The following DNAH2 variants were observed in gnomAD, a reference collection of about 807,000 sequenced individuals.
DNAH2 encodes the protein dynein axonemal heavy chain 2.
Under a neutral mutation model 523.5 loss-of-function variants are expected in DNAH2, and 323 were observed. The observed-to-expected ratio is 0.62, with a 90% CI of 0.56 to 0.68. The LOEUF is 0.68. Ranked by LOEUF, DNAH2 falls within the 30% of genes least tolerant of loss-of-function variation. The pLI is 0.00. For missense variants in DNAH2, 4,907 were observed against 5,701.5 expected (o/e 0.86, Z 4.49); for synonymous variants, 2,093 against 2,177.4 (o/e 0.96, Z 1.08).
chr17:7,777,927 A>G (rs955412531), intron 33 of DNAH2, 150 bp from the exon 34 acceptor site: 4 of 774,528 alleles, frequency 5.2e-6, no homozygotes, highest in Non-Finnish European at 8.3e-6. Flanking sequence ...TCTTGCCCAT[A>G]AACCGCTCCC....
chr17:7,739,545 G>T (rs1031599364), intron 8 of DNAH2, among the ~76,000 whole-genome samples, 188 bp from the exon 9 acceptor site: 5 of 151,698 alleles, frequency 3.3e-5, no homozygotes, highest in Admixed American at 2.0e-4. Flanking sequence ...TGTGGCCAAA[G>T]TTCATCCCAG....
At chr17:7,778,757 C>CG (rs2076526619) in intron 35 of DNAH2, among the ~76,000 whole-genome samples, 3 of 151,874 alleles carry the variant, frequency 2.0e-5, no homozygotes, top group Middle Eastern at 3.4e-3. Flanking sequence ...TTAGTGGAGA[C>CG]GGGGTTTCAC....
chr17:7,744,996 CTTTT>C (rs1048980024), intron 12 of DNAH2, among the ~76,000 whole-genome samples: 1 of 145,626 alleles, frequency 6.9e-6, no homozygotes, highest in African/African-American at 2.5e-5. Flanking sequence ...CTTTACATTT[CTTTT>C]TTTTTTTTTC....
At position 7,777,484 on chromosome 17, in the gene DNAH2, G is replaced by C; in HGVS notation, c.5097G>C (p.Gly1699=). Residue 1699 remains glycine, a synonymous_variant, in exon 33 of 86, where the codon GGG becomes GGC. Transcript: ENST00000572933. ...ILNKYSEAIR[G]NLTKIMRLKI... ...ATAAGTATTCAGAAGCCATCAGGGG[G>C]AACTTGACCAAGATCATGCGGCTTA... 6.2e-7 allele frequency: 1 copy of C among 1,614,184 alleles called. No homozygotes were observed. Among genetic ancestry groups the C allele is most frequent in the Non-Finnish European group, 8.5e-7 (1 of 1,180,034 alleles).
intron 63 of DNAH2, among the ~76,000 whole-genome samples, chr17:7,811,597 G>T (rs1008317143): frequency 6.6e-6 from 1 of 152,202 alleles, no homozygotes; most frequent in Non-Finnish European, 1.5e-5. Flanking sequence ...TACATTCAAT[G>T]TCTGGTAGGG....
At position 7,792,688 on chromosome 17, in the gene DNAH2, G is replaced by A. The variant is rs1041181059; in HGVS notation, c.7177G>A (p.Val2393Ile). 1.2e-5 allele frequency: 19 copies of A among 1,614,016 alleles called. No homozygotes were observed. Among genetic ancestry groups the A allele is most frequent in the Non-Finnish European group, 1.4e-5 (17 of 1,180,000 alleles). ...APFYKIMVPTVDTVRYNYLVS... is the reference protein window; with the variant it reads ...APFYKIMVPTIDTVRYNYLVS... ...CTTCTATAAGATCATGGTGCCCACCGTCGACACTGTTCGCTACAACTACCT... is the reference window on the plus strand; with the variant it reads ...CTTCTATAAGATCATGGTGCCCACCATCGACACTGTTCGCTACAACTACCT... Residue 2393 changes from valine (V) to isoleucine (I), a missense_variant, in exon 47 of 86, where the codon GTC becomes ATC. Val to Ile is a conservative substitution (Grantham distance 29). Coordinates refer to ENST00000572933, the MANE Select transcript of DNAH2 (RefSeq NM_020877.5).
rs780491886 is a variant in DNAH2, at chr17:7,830,743, A to T, written c.12131A>T (p.Asn4044Ile). 1 of 1,614,210 alleles carries T rather than the reference A, an allele frequency of 6.2e-7. No individual in the cohort carries two copies. Among genetic ancestry groups the T allele is most frequent in the South Asian group, 1.1e-5 (1 of 91,090 alleles). Reference protein sequence around the residue: ...DALKYLIAGINYGGHVTDDWD... With the variant: ...DALKYLIAGIIYGGHVTDDWD... ...CTTAAGTACCTCATTGCCGGCATCA[A>T]CTATGGTGGACATGTCACAGATGAC... is the stretch of plus-strand genomic sequence containing the variant. Residue 4044 changes from asparagine to isoleucine, a missense_variant, in exon 79 of 86, where the codon AAC becomes ATC. Physicochemically the swap from Asn to Ile is moderately radical, Grantham distance 149. Around this residue, in one of 3 missense-constraint regions of DNAH2, gnomAD observed 1,851 missense variants for 2,139.4 expected, o/e 0.87. Transcript: ENST00000572933.
rs895080979 is a variant in DNAH2 at position 7,760,676 on chromosome 17, G to A, written c.2786-64G>A. ...GTGGAAGGTCTGGAGCAGTGGGCAG[G>A]GCTCAGGCAGAAGTTGGGTTGGGGT... On this transcript the variant is annotated intron_variant, in intron 17 of 85. Coordinates refer to ENST00000572933, the MANE Select transcript of DNAH2 (RefSeq NM_020877.5). The surrounding 1 kb of genome is among the most constrained non-coding windows in gnomAD (Gnocchi z 4.0). 5 of 1,527,856 alleles carry A rather than the reference G, an allele frequency of 3.3e-6. No individual in the cohort carries two copies. In the Admixed American group the frequency reaches 5.7e-5, roughly 17 times the overall value. The allele number at this position is 1,527,856 out of a possible 1,614,324, so 94.6% of individuals were successfully genotyped here.
In DNAH2 at chr17:7,759,452, C is replaced by A. The variant is rs760771496; in HGVS notation, c.2479C>A (p.Arg827=). 3.1e-6 allele frequency: 5 copies of A among 1,613,770 alleles called. No homozygotes were observed. The South Asian group carries it at 4.4e-5, about 14-fold the overall frequency. ...GCAGCAGTGGATGCTGTACATGATT[C>A]GGCTGGACCGCATGATGGAGGATGC... ...IQQQWMLYMI[R]LDRMMEDALR... Residue 827 remains arginine, a synonymous_variant, in exon 16 of 86, where the codon CGG becomes AGG. Coordinates refer to ENST00000572933, the MANE Select transcript of DNAH2 (RefSeq NM_020877.5).
Position 7,718,625 on chromosome 17 carries a change from G to A in DNAH2, c.-189G>A, listed in dbSNP as rs3744260. The A allele has an allele frequency of 0.29, 43,530 of 152,462 alleles. 6,874 individuals are homozygous for A. The highest frequency in any genetic ancestry group is 0.39 in the East Asian group (1,989 of 5,166). 9.4% of individuals were successfully genotyped at this position (152,462 alleles called of 1,614,324 possible). On this transcript the variant is annotated 5_prime_UTR_variant, in exon 1 of 86. It introduces an in-frame stop codon into an upstream open reading frame of the 5' UTR. Transcript: ENST00000572933. The stretch of plus-strand genomic sequence containing the variant: ...ATGACACAATTTGAAATTTATGATT[G>A]GATGACTTTTGTCCTTCTTTCTTCC...
chr17:7,787,420 T>G, intron 42 of DNAH2: 1 of 287,730 alleles, frequency 3.5e-6, no homozygotes, highest in Non-Finnish European at 6.5e-6. Flanking sequence ...AGGACAACCT[T>G]GAATAAGCTC....
At chr17:7,749,344 A>AAAAAAAG (rs2075618206) in intron 12 of DNAH2, among the ~76,000 whole-genome samples, 1 of 142,226 alleles carries the variant, frequency 7.0e-6, no homozygotes, top group Non-Finnish European at 1.5e-5. Context: ...AAAAAAAAAA[A>AAAAAAAG]AAAAGAAAGA....
rs755372742 is a variant in DNAH2, at chr17:7,799,222, C to T, written c.8679C>T (p.Ser2893=). 1.9e-6 allele frequency: 3 copies of T among 1,614,110 alleles called. No individual in the cohort carries two copies. Among genetic ancestry groups the T allele is most frequent in the South Asian group, 2.2e-5 (2 of 91,090 alleles). Residue 2893 remains serine, a synonymous_variant, in exon 56 of 86, where the codon AGC becomes AGT. Coordinates refer to ENST00000572933, the MANE Select transcript of DNAH2 (RefSeq NM_020877.5). ...QNNLHIVLCL[S]PMGDPFRNWI... ...ACCTGCACATCGTGCTCTGCCTCAG[C>T]CCCATGGGGGATCCCTTCAGGTGAC...
intron 12 of DNAH2, among the ~76,000 whole-genome samples, chr17:7,756,422 C>T (rs2075839935): frequency 6.6e-6 from 1 of 151,654 alleles, no homozygotes; most frequent in South Asian, 2.1e-4. Flanking sequence ...ACTATAGGCT[C>T]ACACTACCAT....
At chr17:7,744,579 G>A (rs1024195497) in intron 12 of DNAH2, among the ~76,000 whole-genome samples, 10 of 152,178 alleles carry the variant, frequency 6.6e-5, no homozygotes, top group Admixed American at 3.3e-4. Flanking sequence ...TGAGGAAGCC[G>A]TTGAGGAGCA....
At chr17:7,770,103 G>C (rs918662780) in intron 24 of DNAH2, 149 bp from the exon 25 acceptor site, 17 of 1,058,482 alleles carry the variant, frequency 1.6e-5, no homozygotes, top group Admixed American at 9.2e-5. Context: ...GTATTCCCCT[G>C]GTGCCTAAGA....
chr17:7,786,183 C>G lies in DNAH2; in HGVS notation c.6189C>G (p.Thr2063=), dbSNP rs754217758. The change falls in exon 40 of 86, where the codon ACC becomes ACG. Residue 2063 remains threonine, a synonymous_variant. Coordinates refer to ENST00000572933, the MANE Select transcript of DNAH2 (RefSeq NM_020877.5). The surrounding 1 kb of genome is among the most constrained non-coding windows in gnomAD (Gnocchi z 7.5). ...RDMGLQSTPF[T]LTKVFQLYET... ...TGGGCCTGCAAAGCACGCCGTTCACCCTCACCAAGGTTTTCCAGTTGTATG... is the reference window on the plus strand; with the variant it reads ...TGGGCCTGCAAAGCACGCCGTTCACGCTCACCAAGGTTTTCCAGTTGTATG... 10 of 1,613,960 alleles carry G rather than the reference C, an allele frequency of 6.2e-6. No individual in the cohort carries two copies. The highest frequency in any genetic ancestry group is 8.5e-6 in the Non-Finnish European group (10 of 1,180,032).
chr17:7,793,447 T>TTTTC (rs557051250), intron 48 of DNAH2, among the ~76,000 whole-genome samples: 2,299 of 96,196 alleles, frequency 0.024, 100 homozygotes, highest in African/African-American at 0.057. Flanking sequence ...CTTTCTTTCT[T>TTTTC]TTTCTTTCTT....
chr17:7,729,735 C>T (rs761112866), intron 4 of DNAH2, among the ~76,000 whole-genome samples: 3 of 152,262 alleles, frequency 2.0e-5, no homozygotes, highest in East Asian at 1.9e-4. Context: ...CGGCTTGAGC[C>T]GAGGTGTTTT....
Sources: allele counts gnomAD v4.1 joint callset (sites outside exome capture counted in the v4.1 genomes callset), GRCh38; gene constraint gnomAD v4.1.1; regional missense constraint gnomAD v4.1.1; non-coding constraint Gnocchi (gnomAD v3.1); transcripts MANE v1.5; gene names NCBI Gene and HGNC (gene_info 2026-07-23, HGNC 2026-07-21).